The following PDE4B variants were observed in gnomAD, a reference collection of about 807,000 sequenced individuals.
PDE4B encodes 3',5'-cyclic-AMP phosphodiesterase 4B.
A neutral mutation model predicts 82.2 loss-of-function variants in PDE4B; 20 were observed. The observed-to-expected ratio is 0.24, with a 90% CI of 0.17 to 0.35. The LOEUF is 0.35. Ranked by LOEUF, PDE4B falls within the 10% of genes least tolerant of loss-of-function variation. The pLI is 1.00. For synonymous variants in PDE4B, 320 were observed against 318.9 expected (o/e 1.00, Z -0.04); for missense variants, 655 against 907.2 (o/e 0.72, Z 3.57).
At chr1:65,990,277 A>G (rs1189155916) in intron 3 of PDE4B, among the ~76,000 whole-genome samples, 1 of 152,192 alleles carries the variant, frequency 6.6e-6, no homozygotes, top group African/African-American at 2.4e-5. Context: ...ACATTTCTTT[A>G]TCTAAACTCC....
chr1:65,936,275 C>T (rs995469817), intron 3 of PDE4B, among the ~76,000 whole-genome samples: 2 of 151,970 alleles, frequency 1.3e-5, no homozygotes, highest in Non-Finnish European at 1.5e-5. Context: ...TTACAGTTAA[C>T]TTTTTTTTAA....
chr1:66,304,561 A>T lies in PDE4B; in HGVS notation c.635-27947A>T, dbSNP rs111638187. ...CAAGTCACATTTTTCCATGCGGATAATGCCATTCTCAATGCTTTCTACTTA... is the reference window on the plus strand; with the variant it reads ...CAAGTCACATTTTTCCATGCGGATATTGCCATTCTCAATGCTTTCTACTTA... On this transcript the variant is annotated intron_variant, in intron 7 of 16. Coordinates refer to ENST00000341517, the MANE Select transcript of PDE4B (RefSeq NM_002600.4). Among the ~76,000 whole-genome samples the T allele has an allele frequency of 2.6e-3, 398 of 152,176 alleles. 3 individuals carry two copies. Among genetic ancestry groups the T allele is most frequent in the African/African-American group, 8.5e-3 (354 of 41,530 alleles).
chr1:66,363,508 CAGCCTGCACGCTGCTGATGT>C lies in PDE4B; in HGVS notation c.1226_1245del (p.Leu409ProfsTer32). On this transcript the variant is annotated frameshift_variant, in exon 12 of 17. Transcript: ENST00000341517. LOFTEE classifies it high-confidence loss of function. ...ACCATTCTGACGTGGCATATCACAA[CAGCCTGCACGCTGCTGATGT>C]AGCCCAGTCGACCCATGTTCTCCTT... is the stretch of plus-strand genomic sequence containing the variant. 1 of 1,613,812 alleles carries C rather than the reference CAGCCTGCACGCTGCTGATGT, an allele frequency of 6.2e-7. No homozygotes were observed. Among genetic ancestry groups the C allele is most frequent in the Non-Finnish European group, 8.5e-7 (1 of 1,179,814 alleles).
At chr1:65,809,639 G>C (rs570674879) in intron 1 of PDE4B, among the ~76,000 whole-genome samples, 147 of 152,154 alleles carry the variant, frequency 9.7e-4, no homozygotes, top group Non-Finnish European at 1.7e-3. Flanking sequence ...ATTTAAAGAG[G>C]CTTTAGCATT....
intron 3 of PDE4B, among the ~76,000 whole-genome samples, chr1:65,999,006 C>T (rs753407543): frequency 6.6e-5 from 10 of 152,080 alleles, no homozygotes; most frequent in Non-Finnish European, 1.3e-4. Context: ...TAGTGTTTTC[C>T]TGGCCTTTTA....
At chr1:66,144,182 T>G (rs1008765582) in intron 3 of PDE4B, among the ~76,000 whole-genome samples, 1 of 152,222 alleles carries the variant, frequency 6.6e-6, no homozygotes, top group African/African-American at 2.4e-5. Context: ...GTCAGTACCG[T>G]GCAAACGGTT....
At chr1:65,981,464 A>G (rs1650682685) in intron 3 of PDE4B, among the ~76,000 whole-genome samples, 1 of 152,006 alleles carries the variant, frequency 6.6e-6, no homozygotes, top group Admixed American at 6.6e-5. Flanking sequence ...TAGTTTCAGG[A>G]TACAACTTAA....
chr1:66,148,915 C>A (rs150624208), intron 3 of PDE4B, among the ~76,000 whole-genome samples: 176 of 152,314 alleles, frequency 1.2e-3, no homozygotes, highest in African/African-American at 4.0e-3. Flanking sequence ...AGTTGATGAA[C>A]ATTTGGGTTC....
intron 3 of PDE4B, among the ~76,000 whole-genome samples, chr1:66,187,301 G>A (rs1295624557): frequency 6.6e-6 from 1 of 151,532 alleles, no homozygotes; most frequent in South Asian, 2.1e-4. Flanking sequence ...TCTCTTTTTT[G>A]GTTGTGTCTC....
At chr1:66,363,595 C>T in intron 12 of PDE4B, 24 bp downstream of exon 12, 1 of 1,580,036 alleles carries the variant, frequency 6.3e-7, no homozygotes. Context: ...ACCTGTTTTG[C>T]ATTCCTGCCC....
At chr1:65,960,246 T>A (rs1378363315) in intron 3 of PDE4B, among the ~76,000 whole-genome samples, 1 of 152,132 alleles carries the variant, frequency 6.6e-6, no homozygotes, top group Non-Finnish European at 1.5e-5. Flanking sequence ...TATTTGCTTT[T>A]GTGTGGCAGC....
At chr1:66,195,302 T>C (rs756365181) in intron 3 of PDE4B, among the ~76,000 whole-genome samples, 43 of 152,102 alleles carry the variant, frequency 2.8e-4, no homozygotes, top group Admixed American at 7.2e-4. Context: ...TTTCCCTATG[T>C]GGGAGAGAAA....
chr1:66,105,005 G>A (rs1240854924), intron 3 of PDE4B, among the ~76,000 whole-genome samples: 6 of 152,102 alleles, frequency 3.9e-5, no homozygotes, highest in Admixed American at 1.3e-4. Flanking sequence ...TAGACATGAA[G>A]TCCTTGCCCA....
chr1:65,973,854 C>T (rs1177117829), intron 3 of PDE4B, among the ~76,000 whole-genome samples: 1 of 151,986 alleles, frequency 6.6e-6, no homozygotes. Context: ...GCCCTGTCAC[C>T]CAAGCTGGAA....
At chr1:66,056,504 CT>C (rs1316468429) in intron 3 of PDE4B, among the ~76,000 whole-genome samples, 1 of 72,848 alleles carries the variant, frequency 1.4e-5, no homozygotes, top group Non-Finnish European at 2.6e-5. Context: ...ATCTATCTAT[CT>C]ATCTATCTAT....
At chr1:66,173,041 G>A (rs983151526) in intron 3 of PDE4B, among the ~76,000 whole-genome samples, 2 of 152,114 alleles carry the variant, frequency 1.3e-5, no homozygotes, top group African/African-American at 2.4e-5. Flanking sequence ...ACAATTATTG[G>A]TGTGTATACA....
chr1:65,810,820 A>G (rs1040991160), intron 1 of PDE4B, among the ~76,000 whole-genome samples: 4 of 152,216 alleles, frequency 2.6e-5, no homozygotes, highest in Non-Finnish European at 5.9e-5. Flanking sequence ...CATAAATGCC[A>G]TAAGTGCTAC....
intron 1 of PDE4B, among the ~76,000 whole-genome samples, chr1:65,854,370 C>T (rs578144599): frequency 7.4e-4 from 112 of 151,594 alleles, no homozygotes; most frequent in African/African-American, 2.6e-3. Context: ...GACTCATTTT[C>T]ATTGATTCTT....
intron 3 of PDE4B, among the ~76,000 whole-genome samples, chr1:65,931,780 GA>G (rs1647848004): frequency 1.3e-5 from 2 of 152,270 alleles, no homozygotes; most frequent in East Asian, 3.9e-4. Flanking sequence ...TGATTGAAAG[GA>G]ATCATAGCTC....
Sources: allele counts gnomAD v4.1 joint callset (sites outside exome capture counted in the v4.1 genomes callset), GRCh38; gene constraint gnomAD v4.1.1; transcripts MANE v1.5; gene names NCBI Gene and HGNC (gene_info 2026-07-23, HGNC 2026-07-21).